The following TEX36 variants were observed in gnomAD, a reference collection of about 807,000 sequenced individuals.
TEX36 encodes the protein testis-expressed protein 36.
Under a neutral mutation model 13.6 loss-of-function variants are expected in TEX36, and 12 were observed. That is an observed-to-expected ratio of 0.88 (90% confidence interval 0.56 to 1.43). TEX36 has a LOEUF of 1.43. Among genes scored for constraint, TEX36 ranks in the 40% most tolerant of loss-of-function variants. The probability of loss-of-function intolerance (pLI) is 0.00; values close to 1 mark genes in which losing one functional copy is unlikely to be tolerated. For synonymous variants in TEX36, 93 were observed against 83.0 expected, an observed-to-expected ratio of 1.12 and a Z score of -0.65; for missense variants, 224 against 228.3, an observed-to-expected ratio of 0.98 and a Z score of 0.12.
chr10:125,598,436 A>G (rs1427498913), intron 3 of TEX36, among the ~76,000 whole-genome samples: 1 of 152,148 alleles, frequency 6.6e-6, no homozygotes, highest in African/African-American at 2.4e-5. Flanking sequence ...CTAGGCCTAC[A>G]GGCAGCTCAG....
intron 1 of TEX36, among the ~76,000 whole-genome samples, chr10:125,681,586 T>C (rs1226597412): frequency 6.6e-6 from 1 of 152,246 alleles, no homozygotes; most frequent in East Asian, 1.9e-4. Flanking sequence ...GTTATATGTG[T>C]TCTCAGACTC....
At chr10:125,640,500 G>A (rs1219883050) in intron 3 of TEX36, among the ~76,000 whole-genome samples, 1 of 152,090 alleles carries the variant, frequency 6.6e-6, no homozygotes, top group African/African-American at 2.4e-5. Flanking sequence ...ATATTTGGGG[G>A]GATTATTTTG....
At chr10:125,634,943 G>T (rs544376966) in intron 3 of TEX36, among the ~76,000 whole-genome samples, 49 of 152,336 alleles carry the variant, frequency 3.2e-4, no homozygotes, top group African/African-American at 1.1e-3. Context: ...TGTGCTCAGG[G>T]CTGTGAGGGA....
At chr10:125,670,028 G>C (rs1464730365) in intron 1 of TEX36, among the ~76,000 whole-genome samples, 1 of 152,164 alleles carries the variant, frequency 6.6e-6, no homozygotes, top group Non-Finnish European at 1.5e-5. Context: ...CCATGTCTTT[G>C]CTATTGTGAA....
At chr10:125,634,164 T>A (rs1489880276) in intron 3 of TEX36, among the ~76,000 whole-genome samples, 3 of 152,162 alleles carry the variant, frequency 2.0e-5, no homozygotes, top group African/African-American at 4.8e-5. Context: ...CATGATTTTT[T>A]AAAAATCCTG....
At chr10:125,640,378 C>T (rs1846673114) in intron 3 of TEX36, among the ~76,000 whole-genome samples, 1 of 152,154 alleles carries the variant, frequency 6.6e-6, no homozygotes. Flanking sequence ...ACACGCTACA[C>T]CTAACAGATT....
chr10:125,583,096 G>A (rs964582674), intron 3 of TEX36, among the ~76,000 whole-genome samples: 1 of 152,144 alleles, frequency 6.6e-6, no homozygotes, highest in African/African-American at 2.4e-5. Context: ...GCAGAATTGT[G>A]GGAAATTTAT....
At chr10:125,617,970 G>T (rs1289659331), downstream of TEX36, among the ~76,000 whole-genome samples, 1 of 152,156 alleles carries the variant, frequency 6.6e-6, no homozygotes, top group African/African-American at 2.4e-5. Flanking sequence ...ATATTTCTTG[G>T]AGGCTTTGCT....
chr10:125,667,784 C>T lies in TEX36; in HGVS notation c.52-5807G>A. The T allele has an allele frequency of 7.1e-6, 7 of 986,124 alleles. No homozygotes were observed. The Admixed American group carries it at 1.4e-4, about 19-fold the overall frequency. 61.1% of individuals were successfully genotyped at this position (986,124 alleles called of 1,614,324 possible). A position where few individuals can be genotyped will look rare whatever the true frequency, so the allele number is the denominator to read the frequency against. Reference sequence around the variant, plus strand: ...CAGCAGCAGCTGACAGTAGAAGCGCCAGTTCTCTTTGGTGTTCTCGGCGTT... The same window carrying T: ...CAGCAGCAGCTGACAGTAGAAGCGCTAGTTCTCTTTGGTGTTCTCGGCGTT... On this transcript the variant is annotated intron_variant, in intron 1 of 3. Transcript: ENST00000368821.
intron 1 of TEX36, 41 bp from the exon 2 acceptor site, chr10:125,662,018 T>C: frequency 6.4e-7 from 1 of 1,551,810 alleles, no homozygotes; most frequent in African/African-American, 1.4e-5. Context: ...CCAGACACAT[T>C]TGAATCTACA....
intron 3 of TEX36, among the ~76,000 whole-genome samples, chr10:125,647,827 C>T (rs1053193926): frequency 8.5e-5 from 13 of 152,180 alleles, no homozygotes; most frequent in Non-Finnish European, 1.9e-4. Context: ...TTTCCAATGG[C>T]CTTAGCAAAC....
At chr10:125,682,050 G>A (rs976995475) in intron 1 of TEX36, among the ~76,000 whole-genome samples, 5 of 152,168 alleles carry the variant, frequency 3.3e-5, no homozygotes, top group Admixed American at 3.3e-4. Flanking sequence ...AAAAGAAGTC[G>A]ACGTCAGGTT....
chr10:125,597,898 G>A (rs1053943856), intron 3 of TEX36, among the ~76,000 whole-genome samples: 1 of 152,180 alleles, frequency 6.6e-6, no homozygotes, highest in African/African-American at 2.4e-5. Context: ...CAAACACTTT[G>A]TGACTCTGGT....
intron 1 of TEX36, among the ~76,000 whole-genome samples, chr10:125,666,104 A>C (rs897163649): frequency 6.6e-6 from 1 of 152,060 alleles, no homozygotes; most frequent in African/African-American, 2.4e-5. Context: ...TTGGTAGAGT[A>C]TTTAGGTTTT....
intron 2 of TEX36, among the ~76,000 whole-genome samples, 166 bp downstream of exon 2, chr10:125,661,680 C>T (rs7075452): frequency 6.6e-6 from 1 of 152,050 alleles, no homozygotes; most frequent in African/African-American, 2.4e-5. Flanking sequence ...GTTCCTGCCG[C>T]AGAGCACCAG....
At chr10:125,655,680 A>G (rs960345787), downstream of TEX36, 3 of 1,236,104 alleles carry the variant, frequency 2.4e-6, no homozygotes, top group African/African-American at 4.7e-5. Flanking sequence ...GTACTTTTTA[A>G]AACTCCCCAA....
At chr10:125,599,682 C>CA (rs1318810772) in intron 3 of TEX36, among the ~76,000 whole-genome samples, 2 of 152,010 alleles carry the variant, frequency 1.3e-5, no homozygotes, top group African/African-American at 2.4e-5. Flanking sequence ...AAACAACTGG[C>CA]AAAAAAATCT....
At chr10:125,632,975 T>G (rs914675894) in intron 3 of TEX36, among the ~76,000 whole-genome samples, 2 of 151,932 alleles carry the variant, frequency 1.3e-5, no homozygotes, top group Non-Finnish European at 2.9e-5. Context: ...ATACAAAAAT[T>G]AGCTGGGCCG....
chr10:125,657,154 C>T (rs920753658), intron 3 of TEX36, among the ~76,000 whole-genome samples: 1 of 152,140 alleles, frequency 6.6e-6, no homozygotes, highest in Non-Finnish European at 1.5e-5. Flanking sequence ...ATGGACATTA[C>T]GTTACATAGA....
Sources: gnomAD v4.1 joint callset for allele counts (sites outside exome capture counted in the v4.1 genomes callset) on GRCh38, gnomAD v4.1.1 for gene constraint, MANE v1.5 for transcripts, NCBI Gene and HGNC (gene_info 2026-07-23, HGNC 2026-07-21) for gene names.